Variants in KIAA1217 observed in about 807,000 individuals in gnomAD.
KIAA1217 encodes the protein sickle tail protein homolog.
In KIAA1217, 88 loss-of-function variants were observed where a neutral mutation model predicts 163.9. The observed-to-expected ratio is 0.54, with a 90% confidence interval of 0.45 to 0.64. The LOEUF (loss-of-function observed/expected upper bound fraction) is 0.64. KIAA1217 is among the 30% of genes least tolerant of loss of function. The pLI is 0.00. For missense variants in KIAA1217, 2,372 were observed against 2,475.0 expected, an observed-to-expected ratio of 0.96 and a Z score of 0.88; for synonymous variants, 903 against 923.1, an observed-to-expected ratio of 0.98 and a Z score of 0.39.
intron 2 of KIAA1217, among the ~76,000 whole-genome samples, chr10:24,353,523 G>A (rs367909091): frequency 1.6e-4 from 24 of 152,126 alleles, no homozygotes; most frequent in South Asian, 1.2e-3. Flanking sequence ...TCAGTGCCCC[G>A]CTGATCACTC....
At chr10:23,856,902 G>A (rs1012096854) in intron 1 of KIAA1217, among the ~76,000 whole-genome samples, 37 of 152,304 alleles carry the variant, frequency 2.4e-4, no homozygotes, top group Admixed American at 4.6e-4. Context: ...GATTTTCCAG[G>A]TGCTGTCTGT....
intron 1 of KIAA1217, among the ~76,000 whole-genome samples, chr10:23,881,133 G>C (rs144349281): frequency 6.6e-6 from 1 of 151,738 alleles, no homozygotes; most frequent in East Asian, 2.0e-4. Flanking sequence ...GGTTCTAGTA[G>C]TTCACTATGG....
intron 2 of KIAA1217, among the ~76,000 whole-genome samples, chr10:24,344,186 A>C (rs1159459332): frequency 2.6e-5 from 4 of 152,240 alleles, no homozygotes; most frequent in Admixed American, 2.6e-4. Flanking sequence ...TATAAACAAA[A>C]TTTTAAATAA....
At chr10:24,406,228 T>A (rs774968319) in intron 3 of KIAA1217, among the ~76,000 whole-genome samples, 1 of 152,182 alleles carries the variant, frequency 6.6e-6, no homozygotes, top group Non-Finnish European at 1.5e-5. Context: ...AGCATAGAAA[T>A]GAAATTTTTG....
chr10:24,488,829 C>T (rs1228541916), intron 6 of KIAA1217, among the ~76,000 whole-genome samples: 7 of 152,090 alleles, frequency 4.6e-5, no homozygotes, highest in Admixed American at 1.3e-4. Flanking sequence ...AAAATGCCTT[C>T]GGCACTGCCA....
chr10:23,952,447 T>C (rs1414926861), intron 1 of KIAA1217, among the ~76,000 whole-genome samples: 1 of 152,210 alleles, frequency 6.6e-6, no homozygotes, highest in African/African-American at 2.4e-5. Context: ...TGGGGGGCTA[T>C]AATAAGGTCC....
intron 1 of KIAA1217, among the ~76,000 whole-genome samples, chr10:23,864,553 T>C (rs950597637): frequency 6.5e-5 from 8 of 123,818 alleles, no homozygotes; most frequent in African/African-American, 1.2e-4. Context: ...CACACACACA[T>C]GAATACCCAC....
intron 1 of KIAA1217, among the ~76,000 whole-genome samples, chr10:23,833,479 T>TAAAAAA (rs1278632576): frequency 8.0e-6 from 1 of 124,690 alleles, no homozygotes; most frequent in African/African-American, 2.9e-5. Flanking sequence ...TGAGACTGTC[T>TAAAAAA]AAAAAAAAAA....
chr10:24,268,532 T>C (rs1180418074), intron 2 of KIAA1217, among the ~76,000 whole-genome samples: 1 of 148,258 alleles, frequency 6.7e-6, no homozygotes, highest in Non-Finnish European at 1.5e-5. Flanking sequence ...CCAGTTAGAA[T>C]GGCAATCATT....
At chr10:24,148,078 TG>T in intron 2 of KIAA1217, among the ~76,000 whole-genome samples, 1 of 152,218 alleles carries the variant, frequency 6.6e-6, no homozygotes, top group Non-Finnish European at 1.5e-5. Flanking sequence ...TTTTTTCTCC[TG>T]TTTTCTAAAA....
chr10:23,992,326 G>A (rs1230831093), intron 1 of KIAA1217, among the ~76,000 whole-genome samples: 2 of 152,186 alleles, frequency 1.3e-5, no homozygotes, highest in African/African-American at 2.4e-5. Context: ...AATAGAAATG[G>A]TGAGGCTTGA....
intron 1 of KIAA1217, among the ~76,000 whole-genome samples, chr10:23,824,352 G>A (rs1401141534): frequency 2.6e-5 from 4 of 151,732 alleles, no homozygotes; most frequent in South Asian, 4.2e-4. Context: ...TATGTAGGCC[G>A]GGCGCGGTGG....
chr10:24,003,160 T>G (rs4551662), intron 1 of KIAA1217, among the ~76,000 whole-genome samples: 97,024 of 151,860 alleles, frequency 0.64, 31,211 homozygotes, highest in Middle Eastern at 0.77. Context: ...TTTTCATTTT[T>G]GGTAGATACC....
Position 24,510,745 on chromosome 10 carries a change from C to T in KIAA1217, c.2002-2514C>T, listed in dbSNP as rs555440606. Among the ~76,000 whole-genome samples, 12 of 152,112 alleles carry T rather than the reference C, an allele frequency of 7.9e-5. No individual in the cohort carries two copies. The East Asian group carries it at 1.9e-3, about 25-fold the overall frequency. On this transcript the variant is annotated intron_variant, in intron 9 of 20. Transcript: ENST00000376454. ...GCTTTGCTGTGTGTGGTTAATCAACCGATATGAACAGTGCTGACCTGTAGC... is the reference window on the plus strand; with the variant it reads ...GCTTTGCTGTGTGTGGTTAATCAACTGATATGAACAGTGCTGACCTGTAGC...
intron 1 of KIAA1217, among the ~76,000 whole-genome samples, chr10:23,733,390 T>G (rs7075429): frequency 0.22 from 33,090 of 151,986 alleles, 3,801 homozygotes; most frequent in African/African-American, 0.28. Flanking sequence ...AGTAGTACAA[T>G]CATTTTTGGT....
At chr10:24,421,559 A>G (rs1193708502) in intron 3 of KIAA1217, among the ~76,000 whole-genome samples, 1 of 152,208 alleles carries the variant, frequency 6.6e-6, no homozygotes, top group Non-Finnish European at 1.5e-5. Context: ...AGTGACAGCA[A>G]AAATTCCAAA....
At chr10:24,456,707 T>G (rs1229664649) in intron 5 of KIAA1217, among the ~76,000 whole-genome samples, 1 of 145,456 alleles carries the variant, frequency 6.9e-6, no homozygotes. Context: ...GATTAAACCT[T>G]TTTTTTTTTT....
Position 24,086,568 on chromosome 10 carries a change from C to A in KIAA1217, c.-171+79194C>A, listed in dbSNP as rs539392397. The stretch of plus-strand genomic sequence containing the variant: ...CAGTCTAAGTGAACTTGGAAGAAAG[C>A]TTTAGTTTCATATTTTCTGGCTAAT... On this transcript the variant is annotated intron_variant, in intron 2 of 18. Coordinates refer to the KIAA1217 transcript ENST00000376462. Among the ~76,000 whole-genome samples the A allele has an allele frequency of 1.7e-4, 26 of 152,078 alleles. 1 individual carries two copies. In the South Asian group the frequency reaches 5.2e-3, roughly 30 times the overall value.
chr10:24,311,721 G>A (rs2042722857), intron 2 of KIAA1217, among the ~76,000 whole-genome samples: 2 of 152,122 alleles, frequency 1.3e-5, no homozygotes, highest in East Asian at 1.9e-4. Flanking sequence ...AGGGTCAGGG[G>A]CCTGTGGGAA....
Sources: allele counts gnomAD v4.1 joint callset (sites outside exome capture counted in the v4.1 genomes callset), GRCh38; gene constraint gnomAD v4.1.1; transcripts MANE v1.5; gene names NCBI Gene and HGNC (gene_info 2026-07-23, HGNC 2026-07-21).